ZNF185: variants seen among roughly 807,000 people sequenced by gnomAD.
The protein encoded by ZNF185 is zinc finger protein 185.
In ZNF185, 56 loss-of-function variants were observed where a neutral mutation model predicts 58.6. That is an observed-to-expected ratio of 0.95 (90% CI 0.77 to 1.19). The LOEUF (loss-of-function observed/expected upper bound fraction) is 1.19. Among genes scored for constraint, ZNF185 ranks in the 50% most tolerant of loss-of-function variants. The pLI is 0.00. For missense variants in ZNF185, 627 were observed against 573.5 expected (o/e 1.09, Z -0.95); for synonymous variants, 230 against 215.9 (o/e 1.07, Z -0.57).
intron 2 of ZNF185, 79 bp downstream of exon 3, chrX:152,914,912 C>T (rs782236424): frequency 9.8e-5 from 108 of 1,102,598 alleles, no homozygotes; most frequent in Non-Finnish European, 1.3e-4. Flanking sequence ...CCTGGGGATG[C>T]GAAGGGGCTT....
At chrX:152,933,855 C>T (rs1297172741) in intron 14 of ZNF185, among the ~76,000 whole-genome samples, 1 of 112,187 alleles carries the variant, frequency 8.9e-6, no homozygotes, top group Non-Finnish European at 1.9e-5. Context: ...CCCAGGGCCC[C>T]TTTCCCTCAC....
At chrX:152,905,823 ACTCCCCTCCAGGGGACTCCC>A in the ZNF185 span, among the ~76,000 whole-genome samples, 1 of 99,337 alleles carries the variant, frequency 1.0e-5, no homozygotes, top group Non-Finnish European at 2.0e-5. Flanking sequence ...GGGTGGAGGG[ACTCCCCTCCAGGGGACTCCC>A]CTCCCCTCCA....
chrX:152,908,421 T>A, the ZNF185 span, among the ~76,000 whole-genome samples: 10 of 112,683 alleles, frequency 8.9e-5, no homozygotes, highest in Non-Finnish European at 1.7e-4. Context: ...TCAGGAACTT[T>A]TTCTGAGTCT....
chrX:152,969,411 A>C (rs1556917168), exon 21 of ZNF185: 22 of 1,207,035 alleles, frequency 1.8e-5, no homozygotes, highest in Admixed American at 4.4e-5. Flanking sequence ...ACTTACTGCA[A>C]CCGTGAGATC....
At chrX:152,905,717 G>GGT in the ZNF185 span, among the ~76,000 whole-genome samples, 452 of 108,772 alleles carry the variant, frequency 4.2e-3, 2 homozygotes, top group African/African-American at 0.015. Flanking sequence ...CAGGCTTGGG[G>GGT]GGGGGGCGGG....
chrX:152,929,404 C>T (rs1481604026), intron 12 of ZNF185, among the ~76,000 whole-genome samples: 2 of 110,977 alleles, frequency 1.8e-5, no homozygotes, highest in Non-Finnish European at 3.8e-5. Flanking sequence ...GGGAGAGAAG[C>T]GGGAGTGTAC....
the ZNF185 span, among the ~76,000 whole-genome samples, chrX:152,898,132 C>CCG: frequency 4.1e-4 from 18 of 43,430 alleles, no homozygotes; most frequent in Non-Finnish European, 9.6e-4. Flanking sequence ...CCCGCGCCTG[C>CCG]CTCCCCGGCC....
intron 15 of ZNF185, among the ~76,000 whole-genome samples, chrX:152,942,014 G>T (rs897893805): frequency 6.2e-5 from 7 of 112,336 alleles, no homozygotes; most frequent in African/African-American, 1.6e-4. Flanking sequence ...CTGCCCAGGG[G>T]GAGGGGGTGT....
upstream of ZNF185, among the ~76,000 whole-genome samples, chrX:152,912,990 G>A (rs782367475): frequency 8.9e-5 from 10 of 112,917 alleles, no homozygotes; most frequent in East Asian, 5.6e-4. Context: ...CAGCAGGCTC[G>A]GGCTGTCTGG....
At chrX:152,960,226 C>T (rs972509256) in intron 17 of ZNF185, among the ~76,000 whole-genome samples, 5 of 112,152 alleles carry the variant, frequency 4.5e-5, no homozygotes, top group Non-Finnish European at 7.5e-5. Flanking sequence ...GAGATGGAAA[C>T]TCTCTGAGCA....
chrX:152,937,161 C>T (rs1480088556), intron 14 of ZNF185, among the ~76,000 whole-genome samples: 1 of 111,210 alleles, frequency 9.0e-6, no homozygotes, highest in East Asian at 2.8e-4. Flanking sequence ...ATACGTCATG[C>T]TCAGGGTCAG....
At chrX:152,902,142 G>GGCT in the ZNF185 span, among the ~76,000 whole-genome samples, 1,426 of 112,559 alleles carry the variant, frequency 0.013, 18 homozygotes, top group African/African-American at 0.044. Context: ...CTGCCCTTGG[G>GGCT]GCTGCTGCTG....
chrX:152,967,191 C>T (rs782040482), exon 20 of ZNF185: 36 of 1,209,964 alleles, frequency 3.0e-5, no homozygotes, highest in African/African-American at 1.4e-4. Flanking sequence ...AGGACTCATT[C>T]GCCATGGAGA....
intron 19 of ZNF185, among the ~76,000 whole-genome samples, 174 bp downstream of exon 21, chrX:152,965,701 A>T (rs1385497799): frequency 9.0e-6 from 1 of 110,498 alleles, no homozygotes; most frequent in Non-Finnish European, 1.9e-5. Context: ...TTTTCTACTG[A>T]ACTGGGCACC....
At chrX:152,959,814 C>T (rs1556908678) in exon 17 of ZNF185, 2 of 1,210,456 alleles carry the variant, frequency 1.7e-6, no homozygotes, top group Admixed American at 2.2e-5. Context: ...CACTCAGCAA[C>T]CTGCAGATCC....
chrX:152,933,228 T>C (rs1208487310), intron 14 of ZNF185, among the ~76,000 whole-genome samples: 1 of 112,935 alleles, frequency 8.9e-6, no homozygotes, highest in East Asian at 2.8e-4. Context: ...CACTCACAGC[T>C]GGAGGCCCAG....
At position 152,916,994 on chromosome X, in the gene ZNF185, C is replaced by G. The variant is rs781931994; in HGVS notation, c.225-137C>G. The G allele has an allele frequency of 1.4e-4, 123 of 874,471 alleles. 1 individual carries two copies. In the South Asian group the frequency reaches 2.7e-3, roughly 19 times the overall value. 72.1% of individuals were successfully genotyped at this position (874,471 alleles called of 1,213,427 possible). On this transcript the variant is annotated intron_variant, in intron 3 of 22. Transcript: ENST00000449285. Reference sequence around the variant, plus strand: ...TCAGGGGCACAGGGGGCTGGCACCCCTCGTTTCTGCTGTACTGGGACACCT... The same window carrying G: ...TCAGGGGCACAGGGGGCTGGCACCCGTCGTTTCTGCTGTACTGGGACACCT...
At chrX:152,971,102 C>T (rs2050633540) in intron 22 of ZNF185, among the ~76,000 whole-genome samples, 172 bp from the exon 25 acceptor site, 1 of 111,847 alleles carries the variant, frequency 8.9e-6, no homozygotes, top group Admixed American at 9.5e-5. Context: ...CAGAATATAT[C>T]CCTTGAAGGC....
At chrX:152,909,467 G>C (rs1936784583), upstream of ZNF185, among the ~76,000 whole-genome samples, 1 of 112,170 alleles carries the variant, frequency 8.9e-6, no homozygotes, top group African/African-American at 3.2e-5. Context: ...TGGGGAGCCA[G>C]GGCGGGATTG....
Sources: allele counts gnomAD v4.1 joint callset (sites outside exome capture counted in the v4.1 genomes callset), GRCh38; gene constraint gnomAD v4.1.1; transcripts MANE v1.5; gene names NCBI Gene and HGNC (gene_info 2026-07-23, HGNC 2026-07-21).